Variants in MECOM observed in about 807,000 individuals in gnomAD.
MECOM encodes the protein MDS1 and EVI1 complex locus.
A neutral mutation model predicts 116.3 loss-of-function variants in MECOM; 13 were observed. The ratio of observed to expected loss-of-function variants is 0.11; its 90% CI spans 0.07 to 0.18. The LOEUF is 0.18. Among genes scored for constraint, MECOM ranks in the 10% least tolerant of loss-of-function variants. The pLI is 1.00. For synonymous variants in MECOM, 528 were observed against 535.2 expected (o/e 0.99, Z 0.19); for missense variants, 1,299 against 1,509.0 (o/e 0.86, Z 2.31).
chr3:169,635,806 C>A (rs1005854891), intron 1 of MECOM, among the ~76,000 whole-genome samples: 1 of 152,150 alleles, frequency 6.6e-6, no homozygotes, highest in African/African-American at 2.4e-5. Flanking sequence ...TAATTTATTT[C>A]TTTATTGCAC....
chr3:169,448,660 C>T (rs1745058381), intron 1 of MECOM, among the ~76,000 whole-genome samples: 2 of 152,106 alleles, frequency 1.3e-5, no homozygotes, highest in Non-Finnish European at 2.9e-5. Flanking sequence ...ATCCTGATTT[C>T]CTTTTTCACT....
intron 2 of MECOM, among the ~76,000 whole-genome samples, chr3:169,223,488 GTATTTCAAAGTCCTA>G: frequency 6.6e-6 from 1 of 151,646 alleles, no homozygotes; most frequent in Non-Finnish European, 1.5e-5. Context: ...TGGCTGCATA[GTATTTCAAAGTCCTA>G]TATTTTTAAC....
At chr3:169,453,947 G>A (rs11921414) in intron 1 of MECOM, among the ~76,000 whole-genome samples, 6,462 of 152,026 alleles carry the variant, frequency 0.043, 355 homozygotes, top group African/African-American at 0.13. Flanking sequence ...TATCAGAGTC[G>A]CCTTTGCAAT....
intron 2 of MECOM, among the ~76,000 whole-genome samples, chr3:169,369,815 T>C (rs549097201): frequency 6.6e-6 from 1 of 152,210 alleles, no homozygotes; most frequent in African/African-American, 2.4e-5. Context: ...TATTTACTAT[T>C]TTAAAAACAA....
At chr3:169,274,634 T>C (rs1759368989) in intron 2 of MECOM, among the ~76,000 whole-genome samples, 1 of 152,216 alleles carries the variant, frequency 6.6e-6, no homozygotes, top group Admixed American at 6.5e-5. Flanking sequence ...TCTAGTCCTA[T>C]ATGAATGTGA....
At chr3:169,593,977 C>G (rs9840069) in intron 1 of MECOM, among the ~76,000 whole-genome samples, 1 of 151,650 alleles carries the variant, frequency 6.6e-6, no homozygotes, top group Admixed American at 6.6e-5. Flanking sequence ...AAAAATTAGC[C>G]GGGTGTGGTG....
At chr3:169,120,965 CTAAAGGCCAT>C in intron 7 of MECOM, 81 bp downstream of exon 7, 1 of 1,396,422 alleles carries the variant, frequency 7.2e-7, no homozygotes, top group Non-Finnish European at 9.7e-7. Flanking sequence ...CGGTGACCCT[CTAAAGGCCAT>C]GTGCAGCCAC....
At chr3:169,650,300 C>CA (rs1209535032) in intron 1 of MECOM, among the ~76,000 whole-genome samples, 1 of 152,054 alleles carries the variant, frequency 6.6e-6, no homozygotes, top group East Asian at 1.9e-4. Context: ...TAAAGAACAT[C>CA]AAAAAAGTTT....
chr3:169,392,981 T>A (rs1734469103), intron 1 of MECOM, among the ~76,000 whole-genome samples: 1 of 152,148 alleles, frequency 6.6e-6, no homozygotes. Flanking sequence ...CACGCCCACA[T>A]TTCCATTACA....
chr3:169,228,613 AC>A (rs1041486669), intron 2 of MECOM, among the ~76,000 whole-genome samples: 1 of 152,236 alleles, frequency 6.6e-6, no homozygotes, highest in Admixed American at 6.5e-5. Context: ...TTATAACATC[AC>A]ATTAATGACA....
chr3:169,164,506 A>T (rs183623083), intron 2 of MECOM, among the ~76,000 whole-genome samples: 1 of 152,298 alleles, frequency 6.6e-6, no homozygotes, highest in East Asian at 1.9e-4. Flanking sequence ...GGAATTCAGT[A>T]CTTAATACAG....
chr3:169,152,502 G>A (rs1049718596), intron 2 of MECOM, among the ~76,000 whole-genome samples: 3 of 152,228 alleles, frequency 2.0e-5, no homozygotes, highest in African/African-American at 7.2e-5. Context: ...AGTGGCTCGA[G>A]GATTCAGGCA....
intron 2 of MECOM, among the ~76,000 whole-genome samples, chr3:169,253,144 T>C (rs1202471341): frequency 3.3e-5 from 5 of 152,160 alleles, no homozygotes; most frequent in African/African-American, 1.2e-4. Context: ...AATGTGAACA[T>C]GAATACAATA....
chr3:169,338,916 T>C lies in MECOM; in HGVS notation c.375+42271A>G, dbSNP rs374681180. On this transcript the variant is annotated intron_variant, in intron 2 of 16. Transcript: ENST00000651503. ...GGGGGCTTGGGGAAAAAAAGCTATG[T>C]TTTTACATTCTCAGAGTAAAAATTT... Among the ~76,000 whole-genome samples the C allele has an allele frequency of 1.1e-3, 160 of 152,214 alleles. 5 individuals carry two copies. In the South Asian group the frequency reaches 0.032, roughly 30 times the overall value.
intron 1 of MECOM, among the ~76,000 whole-genome samples, chr3:169,579,405 T>C (rs1764860502): frequency 1.3e-5 from 2 of 152,140 alleles, no homozygotes; most frequent in Admixed American, 6.6e-5. Context: ...TTTTTAGGCC[T>C]CATCTCATCT....
intron 1 of MECOM, among the ~76,000 whole-genome samples, chr3:169,608,068 G>A (rs1269069535): frequency 6.6e-6 from 1 of 152,144 alleles, no homozygotes; most frequent in African/African-American, 2.4e-5. Context: ...TGCAACCTTT[G>A]TCATTGATCA....
chr3:169,297,168 A>G (rs916892040), intron 2 of MECOM, among the ~76,000 whole-genome samples: 1 of 152,248 alleles, frequency 6.6e-6, no homozygotes, highest in Non-Finnish European at 1.5e-5. Context: ...CAAACAAACC[A>G]AAAATGCTAA....
Position 169,491,633 on chromosome 3 carries a change from C to A in MECOM, c.38-110109G>T, listed in dbSNP as rs894238000. ...AATAGACTAAGAGGAAACCATATCC[C>A]AATGTTTGGGACCTCTTGTTTCAGA... On this transcript the variant is annotated intron_variant, in intron 1 of 16. Coordinates refer to ENST00000651503, the MANE Select transcript of MECOM (RefSeq NM_004991.4). 2.0e-5 allele frequency among the ~76,000 whole-genome samples: 3 copies of A among 152,220 alleles called. No homozygotes were observed. In the East Asian group the frequency reaches 5.8e-4, roughly 29 times the overall value.
chr3:169,353,282 G>A (rs1423367838), intron 2 of MECOM, among the ~76,000 whole-genome samples: 1 of 151,780 alleles, frequency 6.6e-6, no homozygotes, highest in Non-Finnish European at 1.5e-5. Flanking sequence ...AAAATTAAGT[G>A]AATCAACTAC....
Sources: allele counts gnomAD v4.1 joint callset (sites outside exome capture counted in the v4.1 genomes callset), GRCh38; gene constraint gnomAD v4.1.1; transcripts MANE v1.5; gene names NCBI Gene and HGNC (gene_info 2026-07-23, HGNC 2026-07-21).